Variants in ADAMTS17 observed in about 807,000 individuals in gnomAD.
ADAMTS17 encodes the protein A disintegrin and metalloproteinase with thrombospondin motifs 17.
A neutral mutation model predicts 141.5 loss-of-function variants in ADAMTS17; 113 were observed. The observed-to-expected ratio is 0.80, with a 90% CI of 0.69 to 0.93. The LOEUF (loss-of-function observed/expected upper bound fraction) is 0.93, where lower values mean the gene tolerates loss of function less well. Ranked by LOEUF, ADAMTS17 falls within the 40% of genes least tolerant of loss-of-function variation. The pLI is 0.00. For synonymous variants in ADAMTS17, 768 were observed against 630.6 expected (o/e 1.22, Z -3.27); for missense variants, 1,659 against 1,517.9 (o/e 1.09, Z -1.54).
intron 2 of ADAMTS17, among the ~76,000 whole-genome samples, chr15:100,338,227 T>C (rs1246705532): frequency 1.3e-5 from 2 of 151,874 alleles, no homozygotes; most frequent in Admixed American, 6.6e-5. Context: ...GGAGCAAAAA[T>C]GGAACAGGTG....
chr15:99,979,985 CA>C (rs776919819), intron 20 of ADAMTS17: 3 of 152,162 alleles, frequency 2.0e-5, no homozygotes, highest in Non-Finnish European at 4.4e-5. Context: ...ACCATATAAT[CA>C]GGGTTAATTT....
intron 7 of ADAMTS17, among the ~76,000 whole-genome samples, chr15:100,233,158 G>A (rs994773750): frequency 3.0e-4 from 45 of 152,066 alleles, no homozygotes; most frequent in African/African-American, 9.9e-4. Context: ...GTGAAATCCC[G>A]TCTCTACTAA....
intron 3 of ADAMTS17, 75 bp from the exon 4 acceptor site, chr15:100,281,476 G>C (rs1229629958): frequency 6.5e-7 from 1 of 1,540,774 alleles, no homozygotes; most frequent in African/African-American, 1.4e-5. Flanking sequence ...CAGGCCTTCT[G>C]TCAAGCCTGC....
intron 3 of ADAMTS17, among the ~76,000 whole-genome samples, chr15:100,289,542 A>T (rs1256705479): frequency 1.3e-4 from 16 of 126,564 alleles, no homozygotes; most frequent in South Asian, 4.7e-4. Context: ...ACACACATAC[A>T]CACACTCACA....
intron 2 of ADAMTS17, among the ~76,000 whole-genome samples, chr15:100,335,669 A>G (rs913515370): frequency 2.0e-5 from 3 of 152,018 alleles, no homozygotes; most frequent in Non-Finnish European, 4.4e-5. Flanking sequence ...CCTGCAGGGC[A>G]GGAGAAGCGG....
chr15:100,281,934 CAGA>C (rs2044299118), intron 3 of ADAMTS17, among the ~76,000 whole-genome samples: 1 of 152,140 alleles, frequency 6.6e-6, no homozygotes, highest in South Asian at 2.1e-4. Flanking sequence ...AATACATAAT[CAGA>C]AGGAAAATCA....
intron 18 of ADAMTS17, among the ~76,000 whole-genome samples, chr15:100,018,062 A>G (rs2061325326): frequency 6.6e-6 from 1 of 152,188 alleles, no homozygotes; most frequent in African/African-American, 2.4e-5. Context: ...ACTAAACAAT[A>G]ACTCCCTATT....
intron 7 of ADAMTS17, among the ~76,000 whole-genome samples, chr15:100,240,499 G>C (rs2042797182): frequency 6.6e-6 from 1 of 152,254 alleles, no homozygotes; most frequent in Middle Eastern, 3.4e-3. Context: ...AATTTGTAAA[G>C]GTGCTCCCCC....
intron 8 of ADAMTS17, among the ~76,000 whole-genome samples, chr15:100,162,756 A>G (rs1284309052): frequency 6.9e-6 from 1 of 144,852 alleles, no homozygotes; most frequent in African/African-American, 2.5e-5. Flanking sequence ...CACATTATAT[A>G]TAGGCACATA....
chr15:100,048,675 A>G lies in ADAMTS17; in HGVS notation c.2591+182T>C, dbSNP rs2031902903. Among the ~76,000 whole-genome samples, 3 of 142,460 alleles carry G rather than the reference A, an allele frequency of 2.1e-5. No homozygotes were observed. In the South Asian group the frequency reaches 6.5e-4, roughly 31 times the overall value. 93.5% of individuals were successfully genotyped at this position (142,460 alleles called of 152,430 possible). Reference sequence around the variant, plus strand: ...GCCTTCCAGTGAAGGTTGTATTTCCATCAGAGTCCTGGCTTAGTAGCTGGA... The same window carrying G: ...GCCTTCCAGTGAAGGTTGTATTTCCGTCAGAGTCCTGGCTTAGTAGCTGGA... On this transcript the variant is annotated intron_variant, in intron 18 of 21. Transcript: ENST00000268070.
intron 3 of ADAMTS17, among the ~76,000 whole-genome samples, chr15:100,287,451 G>A (rs569930671): frequency 1.3e-5 from 2 of 152,194 alleles, no homozygotes; most frequent in African/African-American, 4.8e-5. Flanking sequence ...CAAGCAACAG[G>A]GAAAACATAT....
At position 100,261,562 on chromosome 15, in the gene ADAMTS17, T is replaced by G. The variant is rs2043517597; in HGVS notation, c.948A>C (p.Gly316=). Residue 316 remains glycine, a synonymous_variant, in exon 6 of 22, where the codon GGA becomes GGC. Transcript: ENST00000268070. ...SFCHWQNEEY[G]GARYLGNNQV... is the part of the protein sequence containing the mutation. ...GGTTATTGCCGAGGTATCGCGCTCC[T>G]CCATACTCCTCGTTCTGCCAGTGAC... is the stretch of plus-strand genomic sequence containing the variant. 1 of 1,614,030 alleles carries G rather than the reference T, an allele frequency of 6.2e-7. No homozygotes were observed. Among genetic ancestry groups the G allele is most frequent in the Non-Finnish European group, 8.5e-7 (1 of 1,180,034 alleles).
intron 12 of ADAMTS17, among the ~76,000 whole-genome samples, chr15:100,125,637 G>T (rs2141202015): frequency 6.6e-6 from 1 of 152,236 alleles, no homozygotes; most frequent in South Asian, 2.1e-4. Context: ...AACTGTCGAG[G>T]GGTAACAGAA....
At chr15:100,013,101 C>T (rs747542887) in intron 18 of ADAMTS17, among the ~76,000 whole-genome samples, 6 of 151,946 alleles carry the variant, frequency 3.9e-5, no homozygotes, top group Non-Finnish European at 7.4e-5. Context: ...GGTCTTTTGC[C>T]TTCTTGGTTA....
At chr15:100,060,387 T>G (rs1213739242) in intron 15 of ADAMTS17, among the ~76,000 whole-genome samples, 1 of 152,212 alleles carries the variant, frequency 6.6e-6, no homozygotes, top group Non-Finnish European at 1.5e-5. Context: ...CATTTCGGTC[T>G]CTGGCCCTTC....
chr15:100,072,052 G>A (rs919989311), intron 15 of ADAMTS17, among the ~76,000 whole-genome samples: 10 of 149,228 alleles, frequency 6.7e-5, no homozygotes, highest in Non-Finnish European at 4.4e-5. Context: ...GGCAACTTCC[G>A]CAAAGTCTGA....
At chr15:99,980,361 C>T (rs572684895) in intron 20 of ADAMTS17, 1 of 152,372 alleles carries the variant, frequency 6.6e-6, no homozygotes, top group East Asian at 1.9e-4. Flanking sequence ...CACCTGCTGC[C>T]TGCCGACCTG....
intron 4 of ADAMTS17, among the ~76,000 whole-genome samples, chr15:100,280,516 A>G (rs2044244592): frequency 6.6e-6 from 1 of 151,944 alleles, no homozygotes; most frequent in African/African-American, 2.4e-5. Flanking sequence ...CCTCCCCTTC[A>G]GTGGTCCCAC....
At chr15:100,218,736 A>G (rs181161841) in intron 7 of ADAMTS17, among the ~76,000 whole-genome samples, 9 of 152,358 alleles carry the variant, frequency 5.9e-5, no homozygotes, top group Non-Finnish European at 1.2e-4. Context: ...CACATATACG[A>G]AAGAACTGAA....
Sources: allele counts gnomAD v4.1 joint callset (sites outside exome capture counted in the v4.1 genomes callset), GRCh38; gene constraint gnomAD v4.1.1; transcripts MANE v1.5; gene names NCBI Gene and HGNC (gene_info 2026-07-23, HGNC 2026-07-21).